The following SLC41A3 variants were observed in gnomAD, a reference collection of about 807,000 sequenced individuals.
SLC41A3 encodes the protein solute carrier family 41 member 3.
In SLC41A3, 44 loss-of-function variants were observed where a neutral mutation model predicts 45.4. The observed-to-expected ratio is 0.97, with a 90% CI of 0.76 to 1.25. The LOEUF is 1.25. Ranked by LOEUF, SLC41A3 falls within the 50% of genes most tolerant of loss-of-function variation. The pLI, the probability that SLC41A3 is intolerant of heterozygous loss-of-function variation, is 0.00. For synonymous variants in SLC41A3, 256 were observed against 252.4 expected, an observed-to-expected ratio of 1.01 and a Z score of -0.13; for missense variants, 550 against 600.6, an observed-to-expected ratio of 0.92 and a Z score of 0.88.
intron 2 of SLC41A3, among the ~76,000 whole-genome samples, chr3:126,051,738 C>T (rs1262583410): frequency 2.6e-5 from 4 of 152,164 alleles, no homozygotes; most frequent in East Asian, 1.9e-4. Flanking sequence ...AGTTTTAATG[C>T]CCCACCTGAT....
chr3:126,064,842 C>T (rs1456956463), intron 2 of SLC41A3, among the ~76,000 whole-genome samples: 2 of 152,226 alleles, frequency 1.3e-5, no homozygotes, highest in East Asian at 3.8e-4. Flanking sequence ...TTCCTGCCTG[C>T]TCCACGCATT....
intron 4 of SLC41A3, among the ~76,000 whole-genome samples, chr3:126,027,243 T>G (rs1941433334): frequency 6.7e-6 from 1 of 150,352 alleles, no homozygotes; most frequent in Non-Finnish European, 1.5e-5. Context: ...TGGTTTAACA[T>G]CACCGCCACC....
chr3:126,063,390 C>T (rs1257651061), intron 2 of SLC41A3, among the ~76,000 whole-genome samples: 2 of 152,048 alleles, frequency 1.3e-5, no homozygotes, highest in African/African-American at 2.4e-5. Flanking sequence ...TGGGTGCTGC[C>T]GTGTAATATG....
chr3:126,035,513 A>G lies in SLC41A3; in HGVS notation c.382-1835T>C, dbSNP rs543491029. ...TCAAAAACAGCAGAGGACCTCCTCCAAGACTATTGCCATGAGGGAGAAAGA... is the reference window on the plus strand; with the variant it reads ...TCAAAAACAGCAGAGGACCTCCTCCGAGACTATTGCCATGAGGGAGAAAGA... On this transcript the variant is annotated intron_variant, in intron 3 of 10. Transcript: ENST00000360370. Among the ~76,000 whole-genome samples the G allele has an allele frequency of 7.2e-5, 11 of 152,354 alleles. No homozygotes were observed. The East Asian group carries it at 1.7e-3, about 24-fold the overall frequency.
At chr3:126,010,274 A>ACCAG (rs1939567224) in intron 9 of SLC41A3, among the ~76,000 whole-genome samples, 1 of 152,222 alleles carries the variant, frequency 6.6e-6, no homozygotes, top group Admixed American at 6.5e-5. Context: ...GGAGTTCGAG[A>ACCAG]CCAGCCTGGC....
At chr3:126,033,105 CTAAGGGGT>C (rs1321447255) in intron 4 of SLC41A3, among the ~76,000 whole-genome samples, 6 of 152,214 alleles carry the variant, frequency 3.9e-5, no homozygotes, top group African/African-American at 1.4e-4. Flanking sequence ...CATGAAGCAG[CTAAGGGGT>C]TAAGATGTCT....
At chr3:126,010,053 G>A (rs1037243773) in intron 9 of SLC41A3, among the ~76,000 whole-genome samples, 1 of 152,230 alleles carries the variant, frequency 6.6e-6, no homozygotes, top group African/African-American at 2.4e-5. Flanking sequence ...TGGGGACCTT[G>A]GGCTGCAATG....
chr3:126,023,124 C>T (rs1941049778), intron 5 of SLC41A3, 192 bp from the exon 6 acceptor site: 3 of 678,104 alleles, frequency 4.4e-6, no homozygotes. Context: ...CAGAGCTTCC[C>T]ACTACACTGG....
chr3:126,087,652 A>G (rs1945420044), upstream of SLC41A3, among the ~76,000 whole-genome samples: 1 of 152,060 alleles, frequency 6.6e-6, no homozygotes, highest in Non-Finnish European at 1.5e-5. Flanking sequence ...ACTATATAAG[A>G]AAGAATCTTG....
At chr3:126,034,139 C>T (rs1942015646) in intron 3 of SLC41A3, among the ~76,000 whole-genome samples, 1 of 152,222 alleles carries the variant, frequency 6.6e-6, no homozygotes, top group Non-Finnish European at 1.5e-5. Flanking sequence ...CCCCCTGCCA[C>T]CTACAACACC....
chr3:126,086,420 T>G (rs1390704320), upstream of SLC41A3, among the ~76,000 whole-genome samples: 94 of 145,460 alleles, frequency 6.5e-4, 1 homozygote, highest in African/African-American at 2.1e-3. Context: ...TTTTTTTTTT[T>G]TTTTTTTTTT....
At chr3:126,045,995 A>C (rs1193859474) in intron 3 of SLC41A3, among the ~76,000 whole-genome samples, 1 of 136,690 alleles carries the variant, frequency 7.3e-6, no homozygotes, top group Admixed American at 6.9e-5. Context: ...CAATGGGGGG[A>C]AAAAAAACCA....
chr3:126,043,699 A>T (rs1942744197), intron 3 of SLC41A3, among the ~76,000 whole-genome samples: 1 of 152,010 alleles, frequency 6.6e-6, no homozygotes, highest in Non-Finnish European at 1.5e-5. Flanking sequence ...GGTAAATTGT[A>T]ATAACTTTAG....
chr3:126,022,840 G>C lies in SLC41A3; in HGVS notation c.691C>G (p.Leu231Val). Reference protein sequence around the residue: ...ATPIAASLGDLITLSILALVS... With the variant: ...ATPIAASLGDVITLSILALVS... Reference sequence around the variant, plus strand: ...AAAGCCAGAATGGACAGTGTGATGAGGTCTCCCAGGCTGGCTGCAATGGGC... The same window carrying C: ...AAAGCCAGAATGGACAGTGTGATGACGTCTCCCAGGCTGGCTGCAATGGGC... The change falls in exon 6 of 11, where the codon CTC becomes GTC. Residue 231 changes from leucine (L) to valine (V), a missense_variant. By Grantham distance (32) the Leu-to-Val change is conservative (BLOSUM62 1). Coordinates refer to ENST00000360370, the MANE Select transcript of SLC41A3 (RefSeq NM_017836.4). 6.2e-7 allele frequency: 1 copy of C among 1,614,230 alleles called. No individual in the cohort carries two copies. Among genetic ancestry groups the C allele is most frequent in the Non-Finnish European group, 8.5e-7 (1 of 1,180,046 alleles).
chr3:126,079,763 C>A (rs759699967), intron 1 of SLC41A3, among the ~76,000 whole-genome samples: 15 of 152,048 alleles, frequency 9.9e-5, no homozygotes, highest in South Asian at 2.1e-4. Flanking sequence ...TACAATAGAC[C>A]CCAAATAGCC....
At chr3:126,062,712 T>A (rs139585566) in intron 2 of SLC41A3, among the ~76,000 whole-genome samples, 2 of 152,338 alleles carry the variant, frequency 1.3e-5, no homozygotes, top group African/African-American at 4.8e-5. Flanking sequence ...CTTCTCAGCA[T>A]CCACAACATT....
At chr3:126,018,602 C>G (rs1940541889) in intron 6 of SLC41A3, among the ~76,000 whole-genome samples, 1 of 152,202 alleles carries the variant, frequency 6.6e-6, no homozygotes, top group Non-Finnish European at 1.5e-5. Context: ...GATGCTTTCT[C>G]AAATCCCTAG....
chr3:126,099,324 C>A (rs906550389), intron 1 of SLC41A3, among the ~76,000 whole-genome samples: 1 of 152,092 alleles, frequency 6.6e-6, no homozygotes, highest in African/African-American at 2.4e-5. Context: ...AATTTCTATT[C>A]TTTATTTCTC....
At position 126,051,057 on chromosome 3, in the gene SLC41A3, G is replaced by A; in HGVS notation, c.274-7C>T. On this transcript the variant is annotated splice_region_variant and splice_polypyrimidine_tract_variant and intron_variant, in intron 2 of 10. Coordinates refer to ENST00000360370, the MANE Select transcript of SLC41A3 (RefSeq NM_017836.4). The stretch of plus-strand genomic sequence containing the variant: ...CCACAAACACAGGCCAGTGCTGGTA[G>A]GGAAACAGTAAGGAGATAAGCCAAA... 5 of 1,594,196 alleles carry A rather than the reference G, an allele frequency of 3.1e-6. No individual in the cohort carries two copies. The highest frequency in any genetic ancestry group is 4.3e-6 in the Non-Finnish European group (5 of 1,168,992).
Sources: gnomAD v4.1 joint callset for allele counts (sites outside exome capture counted in the v4.1 genomes callset) on GRCh38, gnomAD v4.1.1 for gene constraint, MANE v1.5 for transcripts, NCBI Gene and HGNC (gene_info 2026-07-23, HGNC 2026-07-21) for gene names.